PLCG2: variants seen among roughly 807,000 people sequenced by gnomAD.
PLCG2 encodes the protein phospholipase C gamma 2, also known as 1-phosphatidylinositol 4,5-bisphosphate phosphodiesterase gamma-2.
A neutral mutation model predicts 175.6 loss-of-function variants in PLCG2; 69 were observed. That is an observed-to-expected ratio of 0.39 (90% CI 0.32 to 0.48). PLCG2 has a LOEUF of 0.48. Among genes scored for constraint, PLCG2 ranks in the 20% least tolerant of loss-of-function variants. The pLI is 0.91. For missense variants in PLCG2, 1,798 were observed against 1,650.9 expected, an observed-to-expected ratio of 1.09 and a Z score of -1.54; for synonymous variants, 827 against 624.0, an observed-to-expected ratio of 1.33 and a Z score of -4.85.
chr16:81,941,726 C>G (rs1193159522), intron 30 of PLCG2, among the ~76,000 whole-genome samples: 1 of 149,532 alleles, frequency 6.7e-6, no homozygotes, highest in South Asian at 2.1e-4. Flanking sequence ...GAGATGGAGT[C>G]TTGCTCTGTC....
At chr16:81,897,292 G>T (rs1207583579) in intron 13 of PLCG2, among the ~76,000 whole-genome samples, 2 of 152,228 alleles carry the variant, frequency 1.3e-5, no homozygotes, top group African/African-American at 4.8e-5. Context: ...TAGCAGTTAC[G>T]AGTATGGGTT....
chr16:81,752,442 TG>T (rs1909831660), intron 1 of PLCG2, among the ~76,000 whole-genome samples: 1 of 152,132 alleles, frequency 6.6e-6, no homozygotes, highest in South Asian at 2.1e-4. Context: ...CTCTTTTTCC[TG>T]GGGTGGAGGC....
At chr16:81,779,195 G>C (rs868002468), upstream of PLCG2, 1 of 152,110 alleles carries the variant, frequency 6.6e-6, no homozygotes, top group African/African-American at 2.4e-5. Flanking sequence ...AGGCGGACCC[G>C]GCTGGGCGCG....
At chr16:81,781,476 A>T (rs1419922968) in intron 1 of PLCG2, among the ~76,000 whole-genome samples, 2 of 151,606 alleles carry the variant, frequency 1.3e-5, no homozygotes, top group Non-Finnish European at 1.5e-5. Flanking sequence ...TGTCGTACAT[A>T]TTGCATCTTT....
intron 2 of PLCG2, among the ~76,000 whole-genome samples, chr16:81,825,582 A>G (rs1313493468): frequency 6.6e-6 from 1 of 152,206 alleles, no homozygotes; most frequent in Non-Finnish European, 1.5e-5. Context: ...GGCGTGAGCC[A>G]CCGCGCCCAG....
chr16:81,946,180 A>C lies in PLCG2; in HGVS notation c.3487A>C (p.Arg1163=), dbSNP rs2143754256. Reference sequence around the variant, plus strand: ...TCCTCCTTGTTCTGCTTCAGGATTCAGGTCCGTTCCTCTGAAGAATGGGTA... The same window carrying C: ...TCCTCCTTGTTCTGCTTCAGGATTCCGGTCCGTTCCTCTGAAGAATGGGTA... ...YPIKAVKSGF[R]SVPLKNGYSE... The change falls in exon 31 of 33, where the codon AGG becomes CGG. Residue 1163 remains arginine (R), a synonymous_variant. Transcript: ENST00000564138. 1 of 1,612,994 alleles carries C rather than the reference A, an allele frequency of 6.2e-7. No homozygotes were observed. Among genetic ancestry groups the C allele is most frequent in the East Asian group, 2.2e-5 (1 of 44,864 alleles).
At chr16:81,859,561 G>T (rs1249294374) in intron 5 of PLCG2, among the ~76,000 whole-genome samples, 1 of 151,442 alleles carries the variant, frequency 6.6e-6, no homozygotes, top group Admixed American at 6.6e-5. Context: ...TTGAGACGGA[G>T]TCTCGCTCTT....
intron 8 of PLCG2, among the ~76,000 whole-genome samples, chr16:81,881,446 C>A (rs964464329): frequency 3.9e-5 from 6 of 152,290 alleles, no homozygotes; most frequent in African/African-American, 1.2e-4. Flanking sequence ...ATTCACTGTG[C>A]CTCATGATTT....
At chr16:81,850,611 A>G (rs1268682445) in intron 2 of PLCG2, among the ~76,000 whole-genome samples, 1 of 152,164 alleles carries the variant, frequency 6.6e-6, no homozygotes, top group Non-Finnish European at 1.5e-5. Flanking sequence ...GCACAAGAGA[A>G]AGAGAATTCT....
chr16:81,881,061 A>T, intron 8 of PLCG2, 108 bp downstream of exon 8: 1 of 1,159,104 alleles, frequency 8.6e-7, no homozygotes. Context: ...GCTGACCTCC[A>T]AAGGGGCAGG....
rs1407301833 is a variant in PLCG2 at position 81,960,933 on chromosome 16, T to C, written c.*2935T>C. 4.4e-6 allele frequency: 1 copy of C among 228,934 alleles called. No individual in the cohort carries two copies. The highest frequency in any genetic ancestry group is 5.7e-5 in the Admixed American group (1 of 17,638). 14.2% of individuals were successfully genotyped at this position (228,934 alleles called of 1,614,324 possible). A position where few individuals can be genotyped will look rare whatever the true frequency, so the allele number is the denominator to read the frequency against. ...TTCATCTGCCTGAGAAAATGCCCTT[T>C]TCTCACCTTACAAAAGAAAATATGG... is the stretch of plus-strand genomic sequence containing the variant. On this transcript the variant is annotated 3_prime_UTR_variant, in exon 33 of 33. Coordinates refer to ENST00000564138, the MANE Select transcript of PLCG2 (RefSeq NM_002661.5).
chr16:81,858,219 C>G (rs190085894), intron 3 of PLCG2, 44 bp from the exon 4 acceptor site: 1 of 1,350,280 alleles, frequency 7.4e-7, no homozygotes, highest in African/African-American at 1.4e-5. Flanking sequence ...CAGACGTCTT[C>G]CCAGGAATTA....
intron 2 of PLCG2, among the ~76,000 whole-genome samples, chr16:81,768,579 T>TA (rs1378084875): frequency 7.0e-6 from 1 of 142,788 alleles, no homozygotes; most frequent in African/African-American, 2.7e-5. Context: ...TTTTTTTTTT[T>TA]CCCGAGATGG....
chr16:81,918,422 A>G (rs369266271), intron 19 of PLCG2, among the ~76,000 whole-genome samples: 18 of 151,976 alleles, frequency 1.2e-4, no homozygotes, highest in African/African-American at 4.1e-4. Context: ...CGAAATTGCT[A>G]TTATTTCTAT....
At chr16:81,911,387 T>C (rs775181844) in intron 18 of PLCG2, among the ~76,000 whole-genome samples, 21 of 152,164 alleles carry the variant, frequency 1.4e-4, no homozygotes, top group Non-Finnish European at 2.5e-4. Flanking sequence ...TGGCAATAAC[T>C]GTGCCTCCCT....
chr16:81,805,783 GTT>G (rs35014411), intron 2 of PLCG2, among the ~76,000 whole-genome samples: 901 of 82,940 alleles, frequency 0.011, 26 homozygotes, highest in African/African-American at 0.033. Flanking sequence ...TTTTTTTTTT[GTT>G]TTTTTTTTTT....
intron 2 of PLCG2, among the ~76,000 whole-genome samples, chr16:81,845,507 C>G (rs1291951169): frequency 6.6e-6 from 1 of 152,238 alleles, no homozygotes; most frequent in East Asian, 1.9e-4. Context: ...CTGCTATAAG[C>G]TGGGGAGCTG....
chr16:81,874,105 C>G (rs1160867910), intron 7 of PLCG2, among the ~76,000 whole-genome samples: 1 of 152,172 alleles, frequency 6.6e-6, no homozygotes, highest in Non-Finnish European at 1.5e-5. Context: ...CCTGGTTGTA[C>G]TTGATCTAAT....
At chr16:81,770,819 G>A (rs914273549) in intron 2 of PLCG2, among the ~76,000 whole-genome samples, 71 of 152,130 alleles carry the variant, frequency 4.7e-4, no homozygotes, top group African/African-American at 1.6e-3. Flanking sequence ...AGCACTTTGC[G>A]GGGCCGAGGC....
Sources: gnomAD v4.1 joint callset for allele counts (sites outside exome capture counted in the v4.1 genomes callset) on GRCh38, gnomAD v4.1.1 for gene constraint, MANE v1.5 for transcripts, NCBI Gene and HGNC (gene_info 2026-07-23, HGNC 2026-07-21) for gene names.